MITF: variants seen among roughly 807,000 people sequenced by gnomAD.
MITF encodes melanocyte inducing transcription factor, also known as microphthalmia-associated transcription factor.
A neutral mutation model predicts 60.5 loss-of-function variants in MITF; 17 were observed. That is an observed-to-expected ratio of 0.28 (90% CI 0.19 to 0.42). MITF has a LOEUF of 0.42. Ranked by LOEUF, MITF falls within the 10% of genes least tolerant of loss-of-function variation. The probability of loss-of-function intolerance (pLI) is 1.00; values close to 1 mark genes in which losing one functional copy is unlikely to be tolerated. For synonymous variants in MITF, 260 were observed against 248.5 expected (o/e 1.05, Z -0.43); for missense variants, 622 against 683.5 (o/e 0.91, Z 1.00).
Position 69,958,573 on chromosome 3 carries a change from T to TA in MITF, c.1032-686dup, listed in dbSNP as rs540808056. ...TAGCCTGCCCATGATAATCCTTGAT[T>TA]AAAAAAAAAAAAAATAGAAGGATGC... On this transcript the variant is annotated intron_variant, in intron 8 of 9. Coordinates refer to ENST00000352241, the MANE Select transcript of MITF (RefSeq NM_001354604.2). Among the ~76,000 whole-genome samples the TA allele has an allele frequency of 6.9e-3, 980 of 142,690 alleles. 8 individuals carry two copies. The highest frequency in any genetic ancestry group is 0.021 in the African/African-American group (832 of 38,882). The allele number at this position is 142,690 out of a possible 152,430, so 93.6% of individuals were successfully genotyped here.
At chr3:69,942,775 C>G (rs1292072999) in intron 5 of MITF, among the ~76,000 whole-genome samples, 7 of 152,074 alleles carry the variant, frequency 4.6e-5, no homozygotes, top group African/African-American at 1.4e-4. Context: ...AATCCTAGGA[C>G]AAACATGAGT....
chr3:69,928,659 G>C (rs930807943), intron 2 of MITF, among the ~76,000 whole-genome samples: 3 of 152,186 alleles, frequency 2.0e-5, no homozygotes, highest in Admixed American at 2.0e-4. Flanking sequence ...TTATCAACCA[G>C]AAAAGAGAAA....
At chr3:69,775,508 C>A (rs1253143468) in intron 1 of MITF, among the ~76,000 whole-genome samples, 1 of 152,224 alleles carries the variant, frequency 6.6e-6, no homozygotes, top group East Asian at 1.9e-4. Context: ...AAACCAAAAC[C>A]CAATGATACA....
intron 2 of MITF, among the ~76,000 whole-genome samples, chr3:69,905,399 CT>C (rs76404472): frequency 0.016 from 2,336 of 147,136 alleles, 27 homozygotes; most frequent in Middle Eastern, 0.053. Flanking sequence ...TGAGCATTTG[CT>C]TTTTTTTTTC....
chr3:69,938,780 C>A, intron 3 of MITF: 2 of 1,341,956 alleles, frequency 1.5e-6, no homozygotes, highest in Non-Finnish European at 1.9e-6. Flanking sequence ...TGGGATTTAC[C>A]GTACTATGGA....
chr3:69,945,916 G>A lies in MITF; in HGVS notation c.763-3135G>A, dbSNP rs140812640. Among the ~76,000 whole-genome samples, 9 of 152,292 alleles carry A rather than the reference G, an allele frequency of 5.9e-5. No homozygotes were observed. The East Asian group carries it at 1.7e-3, about 29-fold the overall frequency. ...CAGCCTTGCAGATTCCCTGATTTCT[G>A]TTCCTAGATTTGCATTGCAGTCTGG... On this transcript the variant is annotated intron_variant, in intron 5 of 9. Transcript: ENST00000352241.
At chr3:69,805,398 A>G (rs1430610) in intron 1 of MITF, among the ~76,000 whole-genome samples, 75,720 of 151,954 alleles carry the variant, frequency 0.5, 20,666 homozygotes, top group Non-Finnish European at 0.64. Context: ...GGGTGGAGCA[A>G]AAAAGAATGA....
At chr3:69,914,232 C>G (rs2065284780) in intron 2 of MITF, among the ~76,000 whole-genome samples, 2 of 152,170 alleles carry the variant, frequency 1.3e-5, no homozygotes, top group African/African-American at 4.8e-5. Context: ...AGAGATTCTC[C>G]TGCCTCAGCC....
chr3:69,779,158 C>T (rs922008622), intron 1 of MITF: 4 of 152,200 alleles, frequency 2.6e-5, no homozygotes, highest in African/African-American at 9.7e-5. Flanking sequence ...TTTTAGCTAA[C>T]AGTCATTCTG....
At chr3:69,788,499 G>A (rs921822189) in intron 1 of MITF, among the ~76,000 whole-genome samples, 3 of 152,056 alleles carry the variant, frequency 2.0e-5, no homozygotes, top group African/African-American at 7.2e-5. Flanking sequence ...GTTGCATTAT[G>A]TCTGTAAATT....
chr3:69,902,730 C>T (rs1194332937), intron 2 of MITF, among the ~76,000 whole-genome samples: 2 of 152,140 alleles, frequency 1.3e-5, no homozygotes, highest in Non-Finnish European at 2.9e-5. Context: ...ACCTCTGGGA[C>T]ACTGAGATGG....
chr3:69,929,898 G>A (rs1223989356), intron 2 of MITF, among the ~76,000 whole-genome samples: 1 of 152,072 alleles, frequency 6.6e-6, no homozygotes, highest in Non-Finnish European at 1.5e-5. Context: ...TTCTTGATGG[G>A]TTGGATCCAG....
chr3:69,801,168 G>A (rs180956410), intron 1 of MITF, among the ~76,000 whole-genome samples: 8 of 151,754 alleles, frequency 5.3e-5, no homozygotes, highest in Admixed American at 2.6e-4. Context: ...GAAAAAGCTC[G>A]GCTGACGTTA....
chr3:69,955,517 T>C (rs1027746002), intron 7 of MITF, among the ~76,000 whole-genome samples: 7 of 152,100 alleles, frequency 4.6e-5, no homozygotes, highest in African/African-American at 1.7e-4. Flanking sequence ...TTTACATTTT[T>C]AAATGGTTAA....
At chr3:69,805,434 T>C (rs1236701649) in intron 1 of MITF, among the ~76,000 whole-genome samples, 3 of 150,932 alleles carry the variant, frequency 2.0e-5, no homozygotes, top group Non-Finnish European at 4.4e-5. Flanking sequence ...TCTCATGTTA[T>C]GGTAAATGAC....
At chr3:69,837,956 T>TAA (rs1274428830) in intron 1 of MITF, among the ~76,000 whole-genome samples, 1 of 152,202 alleles carries the variant, frequency 6.6e-6, no homozygotes, top group Non-Finnish European at 1.5e-5. Context: ...CACACTTGCA[T>TAA]AATATGTACA....
chr3:69,918,498 T>C (rs2065388647), intron 2 of MITF, among the ~76,000 whole-genome samples: 1 of 152,220 alleles, frequency 6.6e-6, no homozygotes, highest in African/African-American at 2.4e-5. Flanking sequence ...AAAATAAGTA[T>C]GTTTGCCATA....
At chr3:69,890,118 A>C (rs1425749909) in intron 2 of MITF, among the ~76,000 whole-genome samples, 7 of 152,194 alleles carry the variant, frequency 4.6e-5, no homozygotes, top group African/African-American at 7.2e-5. Flanking sequence ...CGCCACAAAG[A>C]AAACACAAAA....
chr3:69,879,428 T>C, intron 2 of MITF, 45 bp downstream of exon 2: 3 of 1,613,610 alleles, frequency 1.9e-6, no homozygotes, highest in South Asian at 1.1e-5. Flanking sequence ...CTCTCTTCCA[T>C]TTTCCATTTG....
Sources: gnomAD v4.1 joint callset for allele counts (sites outside exome capture counted in the v4.1 genomes callset) on GRCh38, gnomAD v4.1.1 for gene constraint, MANE v1.5 for transcripts, NCBI Gene and HGNC (gene_info 2026-07-23, HGNC 2026-07-21) for gene names.